TENM3: variants seen among roughly 807,000 people sequenced by gnomAD.
TENM3 encodes the protein teneurin-3.
TENM3 carries 63 observed loss-of-function variants against 255.1 expected under a neutral mutation model. The observed-to-expected ratio is 0.25, with a 90% CI of 0.20 to 0.30. The LOEUF is 0.30. Ranked by LOEUF, TENM3 falls within the 10% of genes least tolerant of loss-of-function variation. The pLI, the probability that TENM3 is intolerant of heterozygous loss-of-function variation, is 1.00. For synonymous variants in TENM3, 1,306 were observed against 1,322.3 expected (o/e 0.99, Z 0.27); for missense variants, 2,929 against 3,461.1 (o/e 0.85, Z 3.86).
At chr4:181,871,420 T>G in the TENM3 span, among the ~76,000 whole-genome samples, 48,175 of 151,898 alleles carry the variant, frequency 0.32, 8,272 homozygotes, top group Middle Eastern at 0.42. Context: ...TTTATAATAT[T>G]TTGTATTTTT....
At position 182,260,479 on chromosome 4, in the gene TENM3, TTAA is replaced by T. The variant is rs199834023; in HGVS notation, c.-76+17010_-76+17012del. Among the ~76,000 whole-genome samples, 932 of 152,324 alleles carry T rather than the reference TTAA, an allele frequency of 6.1e-3. 20 individuals carry two copies. Among genetic ancestry groups the T allele is most frequent in the African/African-American group, 0.021 (870 of 41,572 alleles). On this transcript the variant is annotated intron_variant, in intron 1 of 27. Coordinates refer to ENST00000511685, the MANE Select transcript of TENM3 (RefSeq NM_001080477.4). ...AAATTAGCAACTCCACATAGCCAAC[TTAA>T]TAATAACCTACTGTAGTAAATTTAT... is the stretch of plus-strand genomic sequence containing the variant.
At chr4:182,487,093 T>C (rs541622748) in intron 3 of TENM3, among the ~76,000 whole-genome samples, 1 of 152,314 alleles carries the variant, frequency 6.6e-6, no homozygotes, top group South Asian at 2.1e-4. Context: ...ACATTTCCTT[T>C]AACCCGCTAA....
Position 182,570,389 on chromosome 4 carries a change from T to C in TENM3, c.512-30535T>C, listed in dbSNP as rs1159118502. Among the ~76,000 whole-genome samples the C allele has an allele frequency of 2.6e-5, 4 of 152,252 alleles. No individual in the cohort carries two copies. In the East Asian group the frequency reaches 5.8e-4, roughly 22 times the overall value. ...GAATAGGAAGAAAGAATACCACATA[T>C]TGACTCCCAGGCACAAGTCACATAT... On this transcript the variant is annotated intron_variant, in intron 3 of 27. Coordinates refer to ENST00000511685, the MANE Select transcript of TENM3 (RefSeq NM_001080477.4).
At chr4:182,466,908 A>C (rs2151427923) in intron 3 of TENM3, among the ~76,000 whole-genome samples, 1 of 149,456 alleles carries the variant, frequency 6.7e-6, no homozygotes, top group Admixed American at 6.7e-5. Context: ...GTTAGAATTG[A>C]GCATTCTTGC....
At chr4:182,780,376 C>T (rs55837414) in intron 24 of TENM3, among the ~76,000 whole-genome samples, 27,778 of 105,570 alleles carry the variant, frequency 0.26, 4,580 homozygotes, top group African/African-American at 0.51. Flanking sequence ...AGATATGCGG[C>T]GTTATTTCTG....
chr4:182,202,657 G>A (rs1213022554), intron 1 of TENM3, among the ~76,000 whole-genome samples: 1 of 152,118 alleles, frequency 6.6e-6, no homozygotes, highest in Non-Finnish European at 1.5e-5. Flanking sequence ...CTTACAATCT[G>A]GGACTCTGCC....
At chr4:182,659,564 T>C (rs1461213185) in intron 6 of TENM3, among the ~76,000 whole-genome samples, 3 of 152,168 alleles carry the variant, frequency 2.0e-5, no homozygotes, top group Non-Finnish European at 4.4e-5. Flanking sequence ...GTCGTTCACT[T>C]CATCACTGGT....
At chr4:181,808,867 C>A in the TENM3 span, among the ~76,000 whole-genome samples, 1 of 152,296 alleles carries the variant, frequency 6.6e-6, no homozygotes, top group Non-Finnish European at 1.5e-5. Context: ...AGCTACAGGA[C>A]AATACGTCCC....
intron 24 of TENM3, among the ~76,000 whole-genome samples, chr4:182,785,864 G>A (rs1416508727): frequency 6.6e-6 from 1 of 151,930 alleles, no homozygotes; most frequent in South Asian, 2.1e-4. Context: ...GGTGCCCCTT[G>A]TCTGTTCTTT....
chr4:181,498,374 C>A, the TENM3 span, among the ~76,000 whole-genome samples: 1 of 151,986 alleles, frequency 6.6e-6, no homozygotes, highest in African/African-American at 2.4e-5. Flanking sequence ...CCCTCAGAAC[C>A]CTGGTTTGGC....
At chr4:181,685,126 C>A in the TENM3 span, among the ~76,000 whole-genome samples, 2 of 151,904 alleles carry the variant, frequency 1.3e-5, no homozygotes, top group Non-Finnish European at 2.9e-5. Flanking sequence ...TGCCAGGAGT[C>A]AATTAAGTGT....
the TENM3 span, among the ~76,000 whole-genome samples, chr4:182,034,781 G>A: frequency 1.3e-5 from 2 of 152,114 alleles, no homozygotes; most frequent in Non-Finnish European, 2.9e-5. Context: ...TTCCTTTGTA[G>A]GTGACCTGGA....
chr4:182,304,315 C>T (rs1426135284), intron 1 of TENM3, among the ~76,000 whole-genome samples: 1 of 151,880 alleles, frequency 6.6e-6, no homozygotes, highest in Non-Finnish European at 1.5e-5. Flanking sequence ...CGGGTTCAAG[C>T]GATTCTCCTC....
At chr4:181,610,410 AT>A in the TENM3 span, among the ~76,000 whole-genome samples, 63 of 152,224 alleles carry the variant, frequency 4.1e-4, no homozygotes, top group Non-Finnish European at 6.5e-4. Flanking sequence ...CATTTATTAC[AT>A]TTTTTGCATG....
At chr4:181,609,122 G>A in the TENM3 span, among the ~76,000 whole-genome samples, 1 of 152,204 alleles carries the variant, frequency 6.6e-6, no homozygotes, top group African/African-American at 2.4e-5. Flanking sequence ...GAGTAGGGTA[G>A]GGAGTAAGGC....
intron 5 of TENM3, among the ~76,000 whole-genome samples, chr4:182,637,129 T>TA (rs1751910955): frequency 6.6e-6 from 1 of 152,168 alleles, no homozygotes; most frequent in Non-Finnish European, 1.5e-5. Context: ...TAAATAAGGT[T>TA]AAAAAAACTT....
the TENM3 span, among the ~76,000 whole-genome samples, chr4:181,861,909 CA>C: frequency 2.6e-5 from 4 of 152,204 alleles, no homozygotes; most frequent in Admixed American, 2.6e-4. Flanking sequence ...CAAGATAACT[CA>C]TTTGTGGAAT....
the TENM3 span, among the ~76,000 whole-genome samples, chr4:181,855,098 G>A: frequency 2.4e-4 from 36 of 152,246 alleles, no homozygotes; most frequent in African/African-American, 7.5e-4. Context: ...GTGAAATAAC[G>A]TTGATGCAAT....
rs548937766 is a variant in TENM3 at position 182,449,188 on chromosome 4, C to CGGCGGT, written c.511+102274_511+102279dup. On this transcript the variant is annotated intron_variant, in intron 3 of 27. Coordinates refer to ENST00000511685, the MANE Select transcript of TENM3 (RefSeq NM_001080477.4). ...GGTCGCTCGCTCGCTCCGGGGACCG[C>CGGCGGT]GGCGGTGGCGGTGGCGGTGGTGGCG... is the stretch of plus-strand genomic sequence containing the variant. 76 of 95,568 alleles carry CGGCGGT rather than the reference C, an allele frequency of 8.0e-4. No individual in the cohort carries two copies. In the South Asian group the frequency reaches 8.7e-3, roughly 11 times the overall value. The allele number at this position is 95,568 out of a possible 1,614,324, so 5.9% of individuals were successfully genotyped here.
Sources: gnomAD v4.1 joint callset for allele counts (sites outside exome capture counted in the v4.1 genomes callset) on GRCh38, gnomAD v4.1.1 for gene constraint, MANE v1.5 for transcripts, NCBI Gene and HGNC (gene_info 2026-07-23, HGNC 2026-07-21) for gene names.